Variants in MYH10 observed in about 807,000 individuals in gnomAD.
The protein encoded by MYH10 is myosin-10.
Under a neutral mutation model 257.8 loss-of-function variants are expected in MYH10, and 55 were observed. That is an observed-to-expected ratio of 0.21 (90% CI 0.17 to 0.27). The LOEUF is 0.27. Among genes scored for constraint, MYH10 ranks in the 10% least tolerant of loss-of-function variants. The probability of loss-of-function intolerance (pLI) is 1.00; values close to 1 mark genes in which losing one functional copy is unlikely to be tolerated. For missense variants in MYH10, 1,631 were observed against 2,500.6 expected (o/e 0.65, Z 7.42); for synonymous variants, 854 against 921.7 (o/e 0.93, Z 1.33).
Position 8,476,964 on chromosome 17 carries a change from G to A in MYH10, c.5791C>T (p.Arg1931Trp), listed in dbSNP as rs763174636. Residue 1931 changes from arginine (R) to tryptophan (W), a missense_variant, in exon 42 of 43, where the codon CGG (arginine) becomes TGG (tryptophan). Physicochemically the swap from Arg to Trp is moderately radical, Grantham distance 101. Coordinates refer to ENST00000360416, the MANE Select transcript of MYH10 (RefSeq NM_001256012.3). ...TCCAGTTCCCGCTGGAGTTTACGCC[G>A]AGATGCGTTGGCACGCGTCGCTTCT... ...EEEATRANASRRKLQRELDDA... is the reference protein window; with the variant it reads ...EEEATRANASWRKLQRELDDA... 2.5e-6 allele frequency: 4 copies of A among 1,613,946 alleles called. No individual in the cohort carries two copies. Among genetic ancestry groups the A allele is most frequent in the African/African-American group, 2.7e-5 (2 of 74,950 alleles).
At chr17:8,514,047 C>T (rs568372379) in intron 21 of MYH10, among the ~76,000 whole-genome samples, 153 bp from the exon 22 acceptor site, 17 of 152,294 alleles carry the variant, frequency 1.1e-4, no homozygotes, top group South Asian at 2.1e-4. Flanking sequence ...ACAAGGAAGC[C>T]GTTCTGGCCG....
chr17:8,598,755 G>A (rs1052513203), intron 3 of MYH10, among the ~76,000 whole-genome samples: 6 of 147,578 alleles, frequency 4.1e-5, no homozygotes, highest in African/African-American at 1.5e-4. Flanking sequence ...TGCCCAGGCT[G>A]GAGTGCAGTG....
intron 19 of MYH10, 41 bp from the exon 20 acceptor site, chr17:8,518,991 T>C (rs761598988): frequency 6.8e-7 from 1 of 1,479,608 alleles, no homozygotes; most frequent in South Asian, 1.2e-5. Flanking sequence ...TAGAAATTTG[T>C]GAACGATGTG....
At position 8,553,874 on chromosome 17, in the gene MYH10, A is replaced by G. The variant is rs2082713460; in HGVS notation, c.820+81T>C. 61 of 1,114,034 alleles carry G rather than the reference A, an allele frequency of 5.5e-5. 1 individual carries two copies. The South Asian group carries it at 8.1e-4, about 15-fold the overall frequency. The allele number at this position is 1,114,034 out of a possible 1,614,324, so 69.0% of individuals were successfully genotyped here. On this transcript the variant is annotated intron_variant, in intron 8 of 42. Coordinates refer to ENST00000360416, the MANE Select transcript of MYH10 (RefSeq NM_001256012.3). ...TTTTATCATCTGGATTTTGGGAGTGATATCACAGACGGTTGCCATGGGGTT... is the reference window on the plus strand; with the variant it reads ...TTTTATCATCTGGATTTTGGGAGTGGTATCACAGACGGTTGCCATGGGGTT...
At chr17:8,576,701 T>C (rs1488380639) in intron 5 of MYH10, 29 bp from the exon 6 acceptor site, 6 of 1,549,594 alleles carry the variant, frequency 3.9e-6, no homozygotes, top group Non-Finnish European at 5.2e-6. Context: ...CAAATGCAAA[T>C]GTTAGCAAGT....
intron 3 of MYH10, among the ~76,000 whole-genome samples, chr17:8,591,440 T>C (rs1434015771): frequency 1.3e-5 from 2 of 152,202 alleles, no homozygotes; most frequent in Non-Finnish European, 2.9e-5. Flanking sequence ...ATGAGGCATT[T>C]ATTCCTTGCT....
At chr17:8,602,391 T>C (rs1018179496) in intron 3 of MYH10, among the ~76,000 whole-genome samples, 11 of 152,236 alleles carry the variant, frequency 7.2e-5, no homozygotes, top group Non-Finnish European at 1.6e-4. Flanking sequence ...GTCAGGCTAC[T>C]GATCCTCTTC....
chr17:8,568,735 T>C (rs2083240906), intron 7 of MYH10, among the ~76,000 whole-genome samples: 1 of 152,046 alleles, frequency 6.6e-6, no homozygotes. Context: ...ATGTCCGTTG[T>C]GTTGAATATG....
chr17:8,509,487 G>C (rs2081187215), intron 25 of MYH10, among the ~76,000 whole-genome samples: 1 of 152,222 alleles, frequency 6.6e-6, no homozygotes. Context: ...CCAGCTGCCT[G>C]GTATTCAGAG....
Position 8,481,360 on chromosome 17 carries a change from A to T in MYH10, c.5226T>A (p.Asp1742Glu). The change falls in exon 38 of 43, where the codon GAT becomes GAA. Residue 1742 changes from aspartate (D) to glutamate (E), a missense_variant. Around this residue, in one of 11 missense-constraint regions of MYH10, gnomAD observed 343 missense variants for 389.5 expected, o/e 0.88. Coordinates refer to ENST00000360416, the MANE Select transcript of MYH10 (RefSeq NM_001256012.3). ...RARRHAEQERDELADEITNSA... is the reference protein window; with the variant it reads ...RARRHAEQEREELADEITNSA... ...TGTTGGTGATCTCGTCCGCCAGCTC[A>T]TCTCTCTCCTGCTCGGCGTGTCGGC... 1 of 1,614,012 alleles carries T rather than the reference A, an allele frequency of 6.2e-7. No individual in the cohort carries two copies. The highest frequency in any genetic ancestry group is 8.5e-7 in the Non-Finnish European group (1 of 1,179,936).
At chr17:8,618,318 A>G (rs1235272033) in intron 2 of MYH10, among the ~76,000 whole-genome samples, 1 of 149,514 alleles carries the variant, frequency 6.7e-6, no homozygotes, top group South Asian at 2.1e-4. Flanking sequence ...GCACGATCTC[A>G]GCTCACTGCA....
In MYH10 at chr17:8,542,206, A is replaced by G; in HGVS notation, c.1506T>C (p.Phe502=). ...KLQQLFNHTM[F]ILEQEEYQRE... is the part of the protein sequence containing the mutation. ...GCTGGTATTCCTCTTGTTCTAGGAT[A>G]AACATGGTGTGGTTGAACAGCTGCT... The change falls in exon 14 of 43, where the codon TTT becomes TTC. Residue 502 remains phenylalanine (F), a synonymous_variant. Coordinates refer to ENST00000360416, the MANE Select transcript of MYH10 (RefSeq NM_001256012.3). 1 of 1,614,192 alleles carries G rather than the reference A, an allele frequency of 6.2e-7. No homozygotes were observed. Among genetic ancestry groups the G allele is most frequent in the Non-Finnish European group, 8.5e-7 (1 of 1,180,034 alleles).
intron 11 of MYH10, among the ~76,000 whole-genome samples, chr17:8,547,916 A>G (rs1389438042): frequency 6.6e-6 from 1 of 151,648 alleles, no homozygotes; most frequent in East Asian, 1.9e-4. Flanking sequence ...AATATTTCCT[A>G]TTAAGATCTA....
chr17:8,548,468 A>G, intron 10 of MYH10, 60 bp from the exon 11 acceptor site: 1 of 1,418,936 alleles, frequency 7.0e-7, no homozygotes. Flanking sequence ...GCGGAGACAT[A>G]TTCTCATTTA....
In MYH10 at chr17:8,569,578, A is replaced by C; in HGVS notation, c.756+142T>G. Reference sequence around the variant, plus strand: ...TGACTACTAGAAAATTTAAAATTACATGTGAGCTTGTATTATGTCTACAGA... The same window carrying C: ...TGACTACTAGAAAATTTAAAATTACCTGTGAGCTTGTATTATGTCTACAGA... On this transcript the variant is annotated intron_variant, in intron 7 of 42. Transcript: ENST00000360416. The surrounding 1 kb of genome is among the most constrained non-coding windows in gnomAD (Gnocchi z 4.1). 1 of 515,992 alleles carries C rather than the reference A, an allele frequency of 1.9e-6. No individual in the cohort carries two copies. The highest frequency in any genetic ancestry group is 2.0e-5 in the African/African-American group (1 of 51,026). 32.0% of individuals were successfully genotyped at this position (515,992 alleles called of 1,614,324 possible).
chr17:8,570,693 TAAAA>T (rs934795021), intron 6 of MYH10, among the ~76,000 whole-genome samples: 1 of 151,962 alleles, frequency 6.6e-6, no homozygotes, highest in Non-Finnish European at 1.5e-5. Flanking sequence ...AAAAACTAAA[TAAAA>T]GCTGCTAGGA....
chr17:8,546,748 GTAACAAT>G (rs1707613686), intron 11 of MYH10, 86 bp from the exon 12 acceptor site: 1 of 951,098 alleles, frequency 1.1e-6, no homozygotes, highest in African/African-American at 1.7e-5. Context: ...AAAAACCTTA[GTAACAAT>G]TAAATTGTAT....
At chr17:8,557,711 A>T (rs1433807558) in intron 7 of MYH10, among the ~76,000 whole-genome samples, 1 of 152,236 alleles carries the variant, frequency 6.6e-6, no homozygotes, top group Non-Finnish European at 1.5e-5. Flanking sequence ...ATTTTGTGAC[A>T]AACAGGCTCT....
rs751196957 is a variant in MYH10 at position 8,623,223 on chromosome 17, C to T, written c.24G>A (p.Glu8=). 2 of 1,597,064 alleles carry T rather than the reference C, an allele frequency of 1.3e-6. No homozygotes were observed. The highest frequency in any genetic ancestry group is 1.7e-6 in the Non-Finnish European group (2 of 1,173,692). Residue 8 remains glutamate, a synonymous_variant, in exon 2 of 43, where the codon GAG becomes GAA. Transcript: ENST00000360416. MAQRTGL[E]DPERYLFVDR... The stretch of plus-strand genomic sequence containing the variant: ...CCACAAAGAGATACCTCTCTGGATC[C>T]TCGAGTCCAGTTCTCTGCGCCATTG...
Sources: allele counts gnomAD v4.1 joint callset (sites outside exome capture counted in the v4.1 genomes callset), GRCh38; gene constraint gnomAD v4.1.1; regional missense constraint gnomAD v4.1.1; non-coding constraint Gnocchi (gnomAD v3.1); transcripts MANE v1.5; gene names NCBI Gene and HGNC (gene_info 2026-07-23, HGNC 2026-07-21).